The following MME variants were observed in gnomAD, a reference collection of about 807,000 sequenced individuals.
MME encodes neprilysin.
MME carries 98 observed loss-of-function variants against 113.2 expected under a neutral mutation model. The ratio of observed to expected loss-of-function variants is 0.87; its 90% CI spans 0.74 to 1.02. MME has a LOEUF of 1.02. MME is among the 50% of genes least tolerant of loss of function. The probability of loss-of-function intolerance (pLI) is 0.00; values close to 1 mark genes in which losing one functional copy is unlikely to be tolerated. For synonymous variants in MME, 292 were observed against 300.6 expected (o/e 0.97, Z 0.30); for missense variants, 836 against 896.0 (o/e 0.93, Z 0.86).
At chr3:155,035,948 C>T (rs1357673968) in intron 1 of MME, among the ~76,000 whole-genome samples, 1 of 152,106 alleles carries the variant, frequency 6.6e-6, no homozygotes, top group African/African-American at 2.4e-5. Context: ...AAAGAAAATA[C>T]ACCACTCAGG....
chr3:155,049,113 T>C (rs1022018071), intron 1 of MME, among the ~76,000 whole-genome samples: 1 of 152,154 alleles, frequency 6.6e-6, no homozygotes, highest in African/African-American at 2.4e-5. Flanking sequence ...TCTTCTTAAT[T>C]CTTCTGTGTT....
intron 8 of MME, among the ~76,000 whole-genome samples, chr3:155,135,903 A>G (rs186520047): frequency 2.6e-5 from 4 of 152,244 alleles, no homozygotes; most frequent in Non-Finnish European, 5.9e-5. Context: ...GTGTGTGCCT[A>G]TTGCAAATGA....
At position 155,148,709 on chromosome 3, in the gene MME, T is replaced by C. The variant is rs1559951296; in HGVS notation, c.1601+56T>C. Reference sequence around the variant, plus strand: ...TCTAGAAGCAGGTCTTTCCCTCCTTTCTTTGTTGGATTAAGTGAAAGAGCC... The same window carrying C: ...TCTAGAAGCAGGTCTTTCCCTCCTTCCTTTGTTGGATTAAGTGAAAGAGCC... On this transcript the variant is annotated intron_variant, in intron 16 of 22. Transcript: ENST00000360490. 3 of 1,305,748 alleles carry C rather than the reference T, an allele frequency of 2.3e-6. No homozygotes were observed. The East Asian group carries it at 6.9e-5, about 30-fold the overall frequency. 80.9% of individuals were successfully genotyped at this position (1,305,748 alleles called of 1,614,324 possible). A position where few individuals can be genotyped will look rare whatever the true frequency, so the allele number is the denominator to read the frequency against.
At chr3:155,102,619 G>A (rs1012250593) in intron 3 of MME, among the ~76,000 whole-genome samples, 1 of 152,106 alleles carries the variant, frequency 6.6e-6, no homozygotes, top group African/African-American at 2.4e-5. Context: ...AGAACTTTGC[G>A]ACCAGCCAGA....
At chr3:155,171,744 G>A (rs1328647536) in intron 20 of MME, among the ~76,000 whole-genome samples, 2 of 152,120 alleles carry the variant, frequency 1.3e-5, no homozygotes, top group Non-Finnish European at 2.9e-5. Context: ...GTTAAATGTA[G>A]CAATTGCAGA....
intron 1 of MME, 109 bp from the exon 2 acceptor site, chr3:155,084,049 C>A (rs868086674): frequency 1.0e-5 from 11 of 1,051,444 alleles, no homozygotes; most frequent in South Asian, 4.3e-5. Context: ...AAATGTATTT[C>A]TATTTTAAAA....
intron 1 of MME, among the ~76,000 whole-genome samples, chr3:155,065,424 C>T (rs907016351): frequency 1.3e-5 from 2 of 152,136 alleles, no homozygotes; most frequent in Admixed American, 1.3e-4. Context: ...ATAAATTACC[C>T]TTCCCTGAAG....
rs150048820 is a variant in MME at position 155,155,194 on chromosome 3, G to A, written c.1602-5196G>A. Among the ~76,000 whole-genome samples, 529 of 152,034 alleles carry A rather than the reference G, an allele frequency of 3.5e-3. 2 individuals are homozygous for A. The Middle Eastern group carries it at 0.037, about 11-fold the overall frequency. On this transcript the variant is annotated intron_variant, in intron 16 of 22. Transcript: ENST00000360490. ...TGTTTTGTTTTCCAGAGGGGGAAGG[G>A]GAATTAGAAAAGGAAGCCGAATAAT...
chr3:155,143,631 T>C (rs1241663733), intron 13 of MME, 60 bp downstream of exon 13: 1 of 1,579,940 alleles, frequency 6.3e-7, no homozygotes, highest in Non-Finnish European at 8.7e-7. Context: ...TTGTTCACAC[T>C]GATGAGCAAT....
chr3:155,030,750 T>C (rs1712943795), intron 1 of MME, among the ~76,000 whole-genome samples: 1 of 152,176 alleles, frequency 6.6e-6, no homozygotes, highest in Admixed American at 6.5e-5. Flanking sequence ...TAGCTGCAAA[T>C]GGAATACATG....
At chr3:155,135,701 G>T (rs1353395825) in intron 8 of MME, among the ~76,000 whole-genome samples, 2 of 152,060 alleles carry the variant, frequency 1.3e-5, no homozygotes, top group Non-Finnish European at 2.9e-5. Context: ...TAAAAAGAGT[G>T]TTGAATCTGT....
chr3:155,158,169 C>T lies in MME; in HGVS notation c.1602-2221C>T, dbSNP rs529155216. On this transcript the variant is annotated intron_variant, in intron 16 of 22. Coordinates refer to ENST00000360490, the MANE Select transcript of MME (RefSeq NM_007289.4). ...AGTTTAAAAACAACTTGGATTGGCA[C>T]CTTTTCTATTTCAATATTAGGATTT... Among the ~76,000 whole-genome samples, 4 of 152,090 alleles carry T rather than the reference C, an allele frequency of 2.6e-5. No individual in the cohort carries two copies. The South Asian group carries it at 8.3e-4, about 32-fold the overall frequency.
In MME at chr3:155,046,550, C is replaced by T. The variant is rs565817275; in HGVS notation, c.-11+22226C>T. Among the ~76,000 whole-genome samples the T allele has an allele frequency of 5.9e-5, 9 of 152,106 alleles. 1 individual carries two copies. In the South Asian group the frequency reaches 1.5e-3, roughly 25 times the overall value. ...TAAAAATACAAAAAAATTAGGTGGG[C>T]GTGGTGGTGGGCACCTGTAATCCCA... On this transcript the variant is annotated intron_variant, in intron 1 of 22. Transcript: ENST00000492661.
intron 8 of MME, among the ~76,000 whole-genome samples, chr3:155,126,732 G>A (rs962623540): frequency 2.0e-5 from 3 of 152,066 alleles, no homozygotes; most frequent in Non-Finnish European, 2.9e-5. Flanking sequence ...GGGCGCAGTG[G>A]CTCATGCCTG....
chr3:155,099,063 C>G (rs561616752), intron 3 of MME, among the ~76,000 whole-genome samples: 39 of 152,216 alleles, frequency 2.6e-4, no homozygotes, highest in African/African-American at 8.4e-4. Context: ...CAAGTGATAA[C>G]AGAAAACTAG....
chr3:155,072,522 A>G (rs1714614264), intron 1 of MME, among the ~76,000 whole-genome samples: 1 of 151,982 alleles, frequency 6.6e-6, no homozygotes, highest in African/African-American at 2.4e-5. Flanking sequence ...CTTAGCTGCA[A>G]CTGGTTATTT....
chr3:155,143,328 G>A, intron 12 of MME, 115 bp from the exon 13 acceptor site: 1 of 1,201,092 alleles, frequency 8.3e-7, no homozygotes, highest in Middle Eastern at 2.1e-4. Flanking sequence ...GGCCTTGTGA[G>A]GAGAAGTGAT....
chr3:155,162,538 A>G (rs1576661813), intron 17 of MME, among the ~76,000 whole-genome samples: 1 of 152,298 alleles, frequency 6.6e-6, no homozygotes, highest in Non-Finnish European at 1.5e-5. Context: ...ATCCAATGGA[A>G]ATATAAAATA....
rs569897838 is a variant in MME, at chr3:155,052,401, G to A, written c.-11+28077G>A. On this transcript the variant is annotated intron_variant, in intron 1 of 22. Coordinates refer to the MME transcript ENST00000492661. ...GTTCTCCATGTGCACACCTCTGCCT[G>A]GATATCCTGGCATTTCTGTCCATCC... 8.5e-5 allele frequency among the ~76,000 whole-genome samples: 13 copies of A among 152,310 alleles called. 1 individual carries two copies. The highest frequency in any genetic ancestry group is 3.1e-4 in the African/African-American group (13 of 41,564).
Sources: gnomAD v4.1 joint callset for allele counts (sites outside exome capture counted in the v4.1 genomes callset) on GRCh38, gnomAD v4.1.1 for gene constraint, MANE v1.5 for transcripts, NCBI Gene and HGNC (gene_info 2026-07-23, HGNC 2026-07-21) for gene names.